PIK3C2A: variants seen among roughly 807,000 people sequenced by gnomAD.
PIK3C2A encodes phosphatidylinositol 4-phosphate 3-kinase C2 domain-containing subunit alpha.
A neutral mutation model predicts 204.5 loss-of-function variants in PIK3C2A; 97 were observed. The observed-to-expected ratio is 0.47, with a 90% CI of 0.40 to 0.56. PIK3C2A has a LOEUF of 0.56. Among genes scored for constraint, PIK3C2A ranks in the 20% least tolerant of loss-of-function variants. The pLI, the probability that PIK3C2A is intolerant of heterozygous loss-of-function variation, is 0.00. For missense variants in PIK3C2A, 1,735 were observed against 1,969.2 expected (o/e 0.88, Z 2.25); for synonymous variants, 653 against 664.4 (o/e 0.98, Z 0.26).
Position 17,168,787 on chromosome 11 carries a change from G to A in PIK3C2A, c.955C>T (p.Leu319Phe). ...GATTTTCCATTCACCTTTCTTTCAA[G>A]ATGACAATTTGCTGTCGATCTCTCT... ...LEERSTANCH[L>F]ERKVNGKSLS... The change falls in exon 2 of 33, where the codon CTT (leucine) becomes TTT (phenylalanine). Residue 319 changes from leucine to phenylalanine, a missense_variant. By Grantham distance (22) the Leu-to-Phe change is conservative. Around this residue, in one of 6 missense-constraint regions of PIK3C2A, gnomAD observed 536 missense variants for 546.7 expected, o/e 0.98. Transcript: ENST00000691414. 1 of 1,613,944 alleles carries A rather than the reference G, an allele frequency of 6.2e-7. No individual in the cohort carries two copies. The highest frequency in any genetic ancestry group is 2.2e-5 in the East Asian group (1 of 44,866).
At chr11:17,147,213 T>C (rs927993384) in intron 6 of PIK3C2A, among the ~76,000 whole-genome samples, 1 of 152,218 alleles carries the variant, frequency 6.6e-6, no homozygotes, top group African/African-American at 2.4e-5. Flanking sequence ...TCAAAATTTT[T>C]CCTTCTTCCC....
intron 21 of PIK3C2A, among the ~76,000 whole-genome samples, chr11:17,111,201 T>C (rs943484306): frequency 6.6e-6 from 1 of 152,090 alleles, no homozygotes. Flanking sequence ...AGCCACCATA[T>C]GTGGCCTATA....
chr11:17,137,432 TGAGACGG>T, intron 8 of PIK3C2A, among the ~76,000 whole-genome samples: 1 of 150,318 alleles, frequency 6.7e-6, no homozygotes, highest in Non-Finnish European at 1.5e-5. Context: ...CCTTTTTTTT[TGAGACGG>T]ACTCTCATTC....
intron 1 of PIK3C2A, among the ~76,000 whole-genome samples, chr11:17,185,902 G>GGAGT (rs879445799): frequency 6.6e-6 from 1 of 152,060 alleles, no homozygotes; most frequent in African/African-American, 2.4e-5. Context: ...CACAGTAGCT[G>GGAGT]GAGTGATCTT....
chr11:17,201,958 A>G (rs372101457), intron 1 of PIK3C2A, among the ~76,000 whole-genome samples: 7 of 152,188 alleles, frequency 4.6e-5, no homozygotes, highest in South Asian at 4.1e-4. Context: ...AAGAGATTCA[A>G]TGAAAAGAAT....
Position 17,129,359 on chromosome 11 carries a change from C to A in PIK3C2A, c.2340G>T (p.Lys780Asn). 6.2e-7 allele frequency: 1 copy of A among 1,613,680 alleles called. No homozygotes were observed. Among genetic ancestry groups the A allele is most frequent in the South Asian group, 1.1e-5 (1 of 91,064 alleles). Residue 780 changes from lysine to asparagine, a missense_variant, in exon 13 of 33, where the codon AAG (lysine) becomes AAT (asparagine). Around this residue, in one of 6 missense-constraint regions of PIK3C2A, gnomAD observed 567 missense variants for 576.0 expected, o/e 0.98. Transcript: ENST00000691414. ...CCAAAGCTTCTGGTCCCTTTCTCTGCTTATTAGAATCAGGGGAACTTCCAC... is the reference window on the plus strand; with the variant it reads ...CCAAAGCTTCTGGTCCCTTTCTCTGATTATTAGAATCAGGGGAACTTCCAC... ...QSSGSSPDSN[K>N]QRKGPEALGK...
chr11:17,143,943 C>CA (rs1396462384), intron 8 of PIK3C2A, among the ~76,000 whole-genome samples: 1 of 151,060 alleles, frequency 6.6e-6, no homozygotes, highest in South Asian at 2.1e-4. Context: ...TCTCAAAAAA[C>CA]AAAAAACAAC....
At chr11:17,165,633 G>T (rs1436442375) in intron 2 of PIK3C2A, among the ~76,000 whole-genome samples, 1 of 151,912 alleles carries the variant, frequency 6.6e-6, no homozygotes, top group African/African-American at 2.4e-5. Flanking sequence ...AAATTAGCCG[G>T]TCGTGGTGGT....
Position 17,169,095 on chromosome 11 carries a change from C to T in PIK3C2A, c.647G>A (p.Arg216His), listed in dbSNP as rs1340867774. ...TGCCATGTCAGTACTGACTACTGGA[C>T]GATAGATAGGTAAGCTTCCTTGTGG... ...FHPQGSLPIY[R>H]PVVSTDMAKL... is the part of the protein sequence containing the mutation. The change falls in exon 2 of 33, where the codon CGT becomes CAT. Residue 216 changes from arginine to histidine, a missense_variant. Around this residue, in one of 6 missense-constraint regions of PIK3C2A, gnomAD observed 536 missense variants for 546.7 expected, o/e 0.98. Coordinates refer to ENST00000691414, the MANE Select transcript of PIK3C2A (RefSeq NM_002645.4). The T allele has an allele frequency of 1.1e-5, 17 of 1,614,042 alleles. No individual in the cohort carries two copies. The highest frequency in any genetic ancestry group is 6.7e-5 in the East Asian group (3 of 44,876).
At chr11:17,169,856 A>T in intron 1 of PIK3C2A, 50 bp from the exon 2 acceptor site, 1 of 738,920 alleles carries the variant, frequency 1.4e-6, no homozygotes, top group South Asian at 2.0e-5. Flanking sequence ...AAACATAAAT[A>T]TATTTTGTTT....
chr11:17,200,666 T>C (rs535944457), intron 1 of PIK3C2A, among the ~76,000 whole-genome samples: 26 of 152,292 alleles, frequency 1.7e-4, no homozygotes, highest in African/African-American at 6.0e-4. Flanking sequence ...ATATTCTATA[T>C]CTTGTATCTT....
At chr11:17,133,580 T>G (rs1849773937) in intron 11 of PIK3C2A, among the ~76,000 whole-genome samples, 1 of 152,216 alleles carries the variant, frequency 6.6e-6, no homozygotes, top group Admixed American at 6.5e-5. Context: ...ACTATAAAAC[T>G]ATTTCACTAA....
intron 20 of PIK3C2A, among the ~76,000 whole-genome samples, chr11:17,113,198 A>C (rs1849055970): frequency 6.6e-6 from 1 of 151,980 alleles, no homozygotes; most frequent in South Asian, 2.1e-4. Context: ...GCTTTTCTAG[A>C]CTCTCTGGAA....
At chr11:17,102,287 A>G (rs963495227) in intron 24 of PIK3C2A, among the ~76,000 whole-genome samples, 3 of 152,068 alleles carry the variant, frequency 2.0e-5, no homozygotes, top group African/African-American at 4.8e-5. Context: ...ATACAAAAAA[A>G]TTAGCCGGGC....
In PIK3C2A at chr11:17,096,279, TCACCTGCC is replaced by T. The variant is rs1933594758; in HGVS notation, c.4326+770_4326+777del. ...GTCTTGAACTCCTGACCTCAGGTGA[TCACCTGCC>T]TCGGGCTCCCAAAGTGCTGGGATTA... On this transcript the variant is annotated intron_variant, in intron 27 of 32. Coordinates refer to ENST00000691414, the MANE Select transcript of PIK3C2A (RefSeq NM_002645.4). Among the ~76,000 whole-genome samples, 4 of 152,236 alleles carry T rather than the reference TCACCTGCC, an allele frequency of 2.6e-5. No homozygotes were observed. The South Asian group carries it at 8.3e-4, about 32-fold the overall frequency.
At chr11:17,167,240 T>C (rs944231658) in intron 2 of PIK3C2A, among the ~76,000 whole-genome samples, 1 of 152,222 alleles carries the variant, frequency 6.6e-6, no homozygotes, top group African/African-American at 2.4e-5. Context: ...TCCAAAGTGC[T>C]GGGATTATAA....
chr11:17,160,103 G>C (rs1362591889), intron 2 of PIK3C2A, among the ~76,000 whole-genome samples: 2 of 152,172 alleles, frequency 1.3e-5, no homozygotes, highest in African/African-American at 4.8e-5. Flanking sequence ...TCATGGCCTA[G>C]TCAAGCTGAA....
rs139010956 is a variant in PIK3C2A, at chr11:17,132,624, C to T, written c.2109-586G>A. On this transcript the variant is annotated intron_variant, in intron 11 of 32. Coordinates refer to ENST00000691414, the MANE Select transcript of PIK3C2A (RefSeq NM_002645.4). ...GATTACAGGCGTGAGCCACCGCGCC[C>T]GGCCAATTTACTTTAATTTTGTGCT... 8.7e-3 allele frequency among the ~76,000 whole-genome samples: 1,323 copies of T among 151,660 alleles called. 20 individuals are homozygous for T. Among genetic ancestry groups the T allele is most frequent in the Non-Finnish European group, 0.012 (820 of 68,004 alleles).
At chr11:17,121,240 C>G (rs149612772) in intron 15 of PIK3C2A, among the ~76,000 whole-genome samples, 1 of 151,728 alleles carries the variant, frequency 6.6e-6, no homozygotes, top group Non-Finnish European at 1.5e-5. Flanking sequence ...ACCTCAGCCT[C>G]CTGAGTCGCT....
Sources: gnomAD v4.1 joint callset for allele counts (sites outside exome capture counted in the v4.1 genomes callset) on GRCh38, gnomAD v4.1.1 for gene constraint, gnomAD v4.1.1 regional missense constraint, MANE v1.5 for transcripts, NCBI Gene and HGNC (gene_info 2026-07-23, HGNC 2026-07-21) for gene names.